The following LPAR1 variants were observed in gnomAD, a reference collection of about 807,000 sequenced individuals.
LPAR1 encodes the protein lysophosphatidic acid receptor 1.
In LPAR1, 5 loss-of-function variants were observed where a neutral mutation model predicts 23.8. That is an observed-to-expected ratio of 0.21 (90% CI 0.11 to 0.44). The LOEUF is 0.44. Ranked by LOEUF, LPAR1 falls within the 20% of genes least tolerant of loss-of-function variation. LPAR1 has a pLI of 0.99. For synonymous variants in LPAR1, 160 were observed against 164.7 expected (o/e 0.97, Z 0.22); for missense variants, 311 against 482.8 (o/e 0.64, Z 3.33).
intron 5 of LPAR1, among the ~76,000 whole-genome samples, chr9:110,913,566 A>ATT (rs921791048): frequency 4.1e-5 from 6 of 146,680 alleles, no homozygotes; most frequent in African/African-American, 1.5e-4. Context: ...ATATATATAT[A>ATT]TATCCATTTT....
At chr9:110,905,876 C>T (rs886628714) in intron 5 of LPAR1, among the ~76,000 whole-genome samples, 5 of 152,136 alleles carry the variant, frequency 3.3e-5, no homozygotes, top group South Asian at 2.1e-4. Flanking sequence ...TGTCCTGGCT[C>T]AATACCCTGA....
intron 5 of LPAR1, among the ~76,000 whole-genome samples, chr9:110,898,417 G>A (rs535908179): frequency 1.3e-5 from 2 of 152,198 alleles, no homozygotes; most frequent in East Asian, 3.9e-4. Flanking sequence ...TCTAACTTTT[G>A]TACTAGTATT....
intron 5 of LPAR1, among the ~76,000 whole-genome samples, chr9:110,883,776 T>C (rs991185307): frequency 9.2e-5 from 14 of 152,208 alleles, no homozygotes; most frequent in Admixed American, 2.6e-4. Context: ...TTTTTAATTA[T>C]ACAATTTATC....
chr9:110,942,370 C>G (rs1368008405), intron 4 of LPAR1, among the ~76,000 whole-genome samples: 2 of 152,118 alleles, frequency 1.3e-5, no homozygotes, highest in African/African-American at 4.8e-5. Flanking sequence ...AGATTAAAGG[C>G]AGTTGGAGTT....
intron 5 of LPAR1, among the ~76,000 whole-genome samples, chr9:110,939,407 G>A (rs1049162680): frequency 3.9e-5 from 6 of 152,030 alleles, no homozygotes; most frequent in African/African-American, 9.7e-5. Flanking sequence ...TCACCGTGAC[G>A]GGGTTTTCCA....
At chr9:110,910,941 A>G (rs1034523939) in intron 5 of LPAR1, among the ~76,000 whole-genome samples, 1 of 152,210 alleles carries the variant, frequency 6.6e-6, no homozygotes, top group Admixed American at 6.5e-5. Context: ...GAGATAGAAT[A>G]TATTCTGGTT....
rs1399486545 is a variant in LPAR1 at position 111,038,386 on chromosome 9, C to T, written c.-481G>A. ...GGGCTCCGCGGCTCCGGGCCCTGGC[C>T]GCCCCAGATCCGGCCCGCGCTCCGC... On this transcript the variant is annotated 5_prime_UTR_variant, in exon 1 of 6. Transcript: ENST00000683809. The surrounding 1 kb of genome is among the most constrained non-coding windows in gnomAD (Gnocchi z 4.4). 5.2e-6 allele frequency: 1 copy of T among 191,400 alleles called. No individual in the cohort carries two copies. The allele number at this position is 191,400 out of a possible 1,614,324, so 11.9% of individuals were successfully genotyped here.
intron 5 of LPAR1, among the ~76,000 whole-genome samples, chr9:110,929,517 A>G (rs1477402663): frequency 6.6e-6 from 1 of 152,238 alleles, no homozygotes; most frequent in African/African-American, 2.4e-5. Context: ...GATTCTATAA[A>G]CTGAATACAA....
At chr9:110,902,296 T>C (rs2089471189) in intron 5 of LPAR1, among the ~76,000 whole-genome samples, 1 of 152,144 alleles carries the variant, frequency 6.6e-6, no homozygotes, top group East Asian at 1.9e-4. Flanking sequence ...CACCCAAATC[T>C]CATCTTGAAT....
chr9:111,026,816 C>T lies in LPAR1; in HGVS notation c.-182+9306G>A, dbSNP rs529366520. Reference sequence around the variant, plus strand: ...GTTTTTGTCATTGGTTCTGTTTATGCGATGGATTACGTTTATTGATTTGTA... The same window carrying T: ...GTTTTTGTCATTGGTTCTGTTTATGTGATGGATTACGTTTATTGATTTGTA... On this transcript the variant is annotated intron_variant, in intron 2 of 5. Coordinates refer to ENST00000683809, the MANE Select transcript of LPAR1 (RefSeq NM_001351411.2). 3.9e-5 allele frequency among the ~76,000 whole-genome samples: 6 copies of T among 152,196 alleles called. No individual in the cohort carries two copies. In the South Asian group the frequency reaches 6.2e-4, roughly 16 times the overall value.
chr9:110,888,362 C>T (rs1380898566), intron 5 of LPAR1, among the ~76,000 whole-genome samples: 2 of 152,118 alleles, frequency 1.3e-5, no homozygotes, highest in East Asian at 1.9e-4. Flanking sequence ...GTGAAAAACC[C>T]TGTGGAGTGT....
intron 4 of LPAR1, among the ~76,000 whole-genome samples, chr9:110,971,735 G>A (rs761012787): frequency 3.8e-4 from 14 of 36,764 alleles, no homozygotes; most frequent in East Asian, 6.4e-4. Flanking sequence ...CCCACCCCCC[G>A]GCCCACAAAA....
chr9:110,894,337 A>T (rs1193550664), intron 5 of LPAR1, among the ~76,000 whole-genome samples: 2 of 152,204 alleles, frequency 1.3e-5, no homozygotes, highest in African/African-American at 4.8e-5. Context: ...TGGACAAGTT[A>T]TTCACTTTTG....
chr9:110,990,114 T>A (rs2139581505), intron 2 of LPAR1, among the ~76,000 whole-genome samples: 1 of 152,118 alleles, frequency 6.6e-6, no homozygotes, highest in African/African-American at 2.4e-5. Flanking sequence ...ACATACGAAG[T>A]AAAAACGAGT....
intron 2 of LPAR1, among the ~76,000 whole-genome samples, chr9:111,019,319 T>C (rs1588889381): frequency 6.6e-6 from 1 of 152,108 alleles, no homozygotes; most frequent in East Asian, 1.9e-4. Context: ...AATAGAGATA[T>C]ATTTTAAAAG....
In LPAR1 at chr9:110,913,554, G is replaced by GTATA. The variant is rs57807795; in HGVS notation, c.793+27863_793+27866dup. On this transcript the variant is annotated intron_variant, in intron 5 of 5. Coordinates refer to ENST00000683809, the MANE Select transcript of LPAR1 (RefSeq NM_001351411.2). ...ATGTGTATCAAGTTCATTTTAATAA[G>GTATA]TATATATATATATATCCATTTTTAG... Among the ~76,000 whole-genome samples, 630 of 150,920 alleles carry GTATA rather than the reference G, an allele frequency of 4.2e-3. 4 individuals carry two copies. Among genetic ancestry groups the GTATA allele is most frequent in the African/African-American group, 0.014 (566 of 41,122 alleles).
At chr9:110,920,447 G>T (rs530797250) in intron 5 of LPAR1, among the ~76,000 whole-genome samples, 1 of 152,056 alleles carries the variant, frequency 6.6e-6, no homozygotes, top group Non-Finnish European at 1.5e-5. Flanking sequence ...TTCAACTGTT[G>T]TGATTTTTAT....
chr9:110,937,321 G>C (rs2094782872), intron 5 of LPAR1, among the ~76,000 whole-genome samples: 1 of 152,178 alleles, frequency 6.6e-6, no homozygotes, highest in African/African-American at 2.4e-5. Flanking sequence ...TACAGCATGT[G>C]CTGCTAGTTG....
chr9:110,928,405 A>C (rs976893465), intron 5 of LPAR1, among the ~76,000 whole-genome samples: 1 of 152,162 alleles, frequency 6.6e-6, no homozygotes, highest in African/African-American at 2.4e-5. Flanking sequence ...AGAATTACTC[A>C]TATTTTGTTT....
Sources: gnomAD v4.1 joint callset for allele counts (sites outside exome capture counted in the v4.1 genomes callset) on GRCh38, gnomAD v4.1.1 for gene constraint, Gnocchi (gnomAD v3.1) non-coding constraint, MANE v1.5 for transcripts, NCBI Gene and HGNC (gene_info 2026-07-23, HGNC 2026-07-21) for gene names.